The following NACC2 variants were observed in gnomAD, a reference collection of about 807,000 sequenced individuals.
NACC2 encodes the protein nucleus accumbens-associated protein 2.
A neutral mutation model predicts 25.1 loss-of-function variants in NACC2; 8 were observed. The ratio of observed to expected loss-of-function variants is 0.32; its 90% CI spans 0.19 to 0.57. The LOEUF (loss-of-function observed/expected upper bound fraction) is 0.57, where lower values mean the gene tolerates loss of function less well. Ranked by LOEUF, NACC2 falls within the 20% of genes least tolerant of loss-of-function variation. The pLI is 0.89. For synonymous variants in NACC2, 435 were observed against 294.7 expected (o/e 1.48, Z -4.88); for missense variants, 644 against 650.2 (o/e 0.99, Z 0.10).
Position 136,088,901 on chromosome 9 carries a change from G to A in NACC2, c.-60+6288C>T, listed in dbSNP as rs567368853. On this transcript the variant is annotated intron_variant, in intron 1 of 5. Coordinates refer to ENST00000277554, the MANE Select transcript of NACC2 (RefSeq NM_144653.5). ...CATCCTGGGGGAAGGTTTCCCGGAGGAGACAGCAGGCAATTTGCATAATAT... is the reference window on the plus strand; with the variant it reads ...CATCCTGGGGGAAGGTTTCCCGGAGAAGACAGCAGGCAATTTGCATAATAT... Among the ~76,000 whole-genome samples the A allele has an allele frequency of 2.0e-5, 3 of 152,358 alleles. No individual in the cohort carries two copies. In the South Asian group the frequency reaches 6.2e-4, roughly 32 times the overall value.
In NACC2 at chr9:136,011,885, C is replaced by T. The variant is rs1436015845; in HGVS notation, c.1395G>A (p.Met465Ile). The T allele has an allele frequency of 1.9e-6, 3 of 1,573,934 alleles. No individual in the cohort carries two copies. Among genetic ancestry groups the T allele is most frequent in the Admixed American group, 1.8e-5 (1 of 54,686 alleles). ...IKSMLPEGVE[M>I]YRTVMGSAAA... is the part of the protein sequence containing the mutation. The stretch of plus-strand genomic sequence containing the variant: ...CGGCGGAGCCCATGACCGTGCGGTA[C>T]ATCTCCACGCCCTCCGGCAGCATGG... The change falls in exon 6 of 6, where the codon ATG becomes ATA. Residue 465 changes from methionine (M) to isoleucine (I), a missense_variant. Physicochemically the swap from Met to Ile is conservative, Grantham distance 10. Coordinates refer to ENST00000277554, the MANE Select transcript of NACC2 (RefSeq NM_144653.5).
chr9:136,015,250 G>T (rs1840182495), intron 3 of NACC2, among the ~76,000 whole-genome samples: 1 of 152,224 alleles, frequency 6.6e-6, no homozygotes, highest in Non-Finnish European at 1.5e-5. Context: ...AAGCACCAGG[G>T]CCCGCGTGGG....
intron 1 of NACC2, among the ~76,000 whole-genome samples, chr9:136,074,415 T>A: frequency 7.1e-6 from 1 of 139,944 alleles, no homozygotes; most frequent in Non-Finnish European, 1.5e-5. Flanking sequence ...GTTGTGCCAC[T>A]GCACTCCAGC....
At chr9:136,079,229 C>A (rs1006728290) in intron 1 of NACC2, among the ~76,000 whole-genome samples, 40 of 152,196 alleles carry the variant, frequency 2.6e-4, no homozygotes, top group Admixed American at 1.1e-3. Context: ...GTGGGAACTG[C>A]ACTCTCTGAG....
In NACC2 at chr9:136,070,081, C is replaced by A. The variant is rs143168542; in HGVS notation, c.-59-19501G>T. On this transcript the variant is annotated intron_variant, in intron 1 of 5. Coordinates refer to ENST00000277554, the MANE Select transcript of NACC2 (RefSeq NM_144653.5). ...AGAAAACTTCAAGAACTTTACAAGA[C>A]TTAAAATTACACAGTGTGTTCTCTA... Among the ~76,000 whole-genome samples the A allele has an allele frequency of 9.8e-4, 149 of 151,964 alleles. 2 individuals carry two copies. Among genetic ancestry groups the A allele is most frequent in the Non-Finnish European group, 1.3e-3 (87 of 68,030 alleles).
Position 136,007,752 on chromosome 9 carries a change from G to A in NACC2, c.*3764C>T, listed in dbSNP as rs11103271. ...GTTTTCAGTTGGTTCATGGGCCATA[G>A]ATCTTTTTCCACTTGCTGCCAAGAT... On this transcript the variant is annotated 3_prime_UTR_variant, in exon 6 of 6. Transcript: ENST00000277554. 0.021 allele frequency: 3,136 copies of A among 152,358 alleles called. 57 individuals carry two copies. Among genetic ancestry groups the A allele is most frequent in the Non-Finnish European group, 0.032 (2,206 of 68,056 alleles). The allele number at this position is 152,358 out of a possible 1,614,324, so 9.4% of individuals were successfully genotyped here.
At chr9:136,093,263 C>T (rs1186488653) in intron 1 of NACC2, among the ~76,000 whole-genome samples, 4 of 152,328 alleles carry the variant, frequency 2.6e-5, no homozygotes, top group Admixed American at 1.3e-4. Context: ...GCACCAAGAT[C>T]GTCACTGTTG....
At chr9:136,079,058 CTT>C (rs10540260) in intron 1 of NACC2, among the ~76,000 whole-genome samples, 355 of 148,282 alleles carry the variant, frequency 2.4e-3, no homozygotes, top group South Asian at 3.8e-3. Context: ...ATAGCTTCTT[CTT>C]TTTTTTTTTT....
intron 1 of NACC2, among the ~76,000 whole-genome samples, chr9:136,069,335 G>A (rs923348644): frequency 1.4e-5 from 2 of 146,614 alleles, no homozygotes; most frequent in African/African-American, 5.5e-5. Flanking sequence ...TCTCACCTGA[G>A]GTCAGGAGGT....
At chr9:136,079,649 G>T (rs1347708930) in intron 1 of NACC2, among the ~76,000 whole-genome samples, 1 of 152,190 alleles carries the variant, frequency 6.6e-6, no homozygotes, top group Non-Finnish European at 1.5e-5. Flanking sequence ...CTCCTTCCTG[G>T]GGCCCTGCCG....
In NACC2 at chr9:136,022,495, T is replaced by G. The variant is rs1468306392; in HGVS notation, c.887-6066A>C. 6.6e-6 allele frequency among the ~76,000 whole-genome samples: 1 copy of G among 152,218 alleles called. No individual in the cohort carries two copies. The highest frequency in any genetic ancestry group is 1.5e-5 in the Non-Finnish European group (1 of 68,024). Reference sequence around the variant, plus strand: ...ACTGGTGCAGACGTGGCATTTAGTGTGGTCACTGCAGCTCGGGGAGACCTG... The same window carrying G: ...ACTGGTGCAGACGTGGCATTTAGTGGGGTCACTGCAGCTCGGGGAGACCTG... On this transcript the variant is annotated intron_variant, in intron 2 of 5. Transcript: ENST00000277554. This position sits in a 1 kb window ranked among gnomAD's most constrained non-coding sequence, Gnocchi z 4.4.
At chr9:136,016,074 T>C (rs1204673776) in intron 3 of NACC2, among the ~76,000 whole-genome samples, 191 bp downstream of exon 3, 2 of 152,228 alleles carry the variant, frequency 1.3e-5, no homozygotes, top group Admixed American at 1.3e-4. Flanking sequence ...GGGATTCAAT[T>C]AAAATGCTAA....
At position 136,049,518 on chromosome 9, in the gene NACC2, T is replaced by C. The variant is rs994339405; in HGVS notation, c.886+118A>G. On this transcript the variant is annotated intron_variant, in intron 2 of 5. Coordinates refer to ENST00000277554, the MANE Select transcript of NACC2 (RefSeq NM_144653.5). Reference sequence around the variant, plus strand: ...GCTCTGCCACCTCCTCCAGGCTTGGTGGGGGGCTCCCCTGTGGCCCCGCAG... The same window carrying C: ...GCTCTGCCACCTCCTCCAGGCTTGGCGGGGGGCTCCCCTGTGGCCCCGCAG... 5.5e-4 allele frequency: 340 copies of C among 614,466 alleles called. 1 individual carries two copies. Among genetic ancestry groups the C allele is most frequent in the Admixed American group, 2.7e-3 (98 of 36,052 alleles). 38.1% of individuals were successfully genotyped at this position (614,466 alleles called of 1,614,324 possible).
At chr9:136,029,636 T>C (rs1002128543) in intron 2 of NACC2, among the ~76,000 whole-genome samples, 9 of 152,220 alleles carry the variant, frequency 5.9e-5, no homozygotes, top group African/African-American at 2.2e-4. Context: ...TTTGGGGCTC[T>C]GCAGTTCCTG....
intron 1 of NACC2, among the ~76,000 whole-genome samples, chr9:136,075,667 G>A (rs142787602): frequency 5.9e-5 from 9 of 152,360 alleles, no homozygotes; most frequent in African/African-American, 1.9e-4. Context: ...TGCTGATGCT[G>A]TCCTGAGCTC....
intron 2 of NACC2, among the ~76,000 whole-genome samples, chr9:136,040,371 A>G (rs1267395130): frequency 6.6e-6 from 1 of 152,048 alleles, no homozygotes; most frequent in Non-Finnish European, 1.5e-5. Flanking sequence ...CTTTATTCCT[A>G]TGTACTGAAA....
intron 1 of NACC2, among the ~76,000 whole-genome samples, chr9:136,069,153 G>A (rs1337322841): frequency 5.5e-5 from 8 of 146,544 alleles, no homozygotes; most frequent in East Asian, 3.9e-4. Context: ...TGATCTGCCC[G>A]CCTCGGCCTC....
intron 1 of NACC2, among the ~76,000 whole-genome samples, chr9:136,073,649 T>C (rs983658051): frequency 1.3e-5 from 1 of 75,112 alleles, no homozygotes. Flanking sequence ...CCAAGAATGT[T>C]TGCAGAAAGT....
chr9:136,046,387 C>T (rs1423490644), intron 2 of NACC2, among the ~76,000 whole-genome samples: 3 of 152,214 alleles, frequency 2.0e-5, no homozygotes, highest in Non-Finnish European at 4.4e-5. Context: ...TGCACCCCAC[C>T]CCCAGCTCAT....
Sources: allele counts gnomAD v4.1 joint callset (sites outside exome capture counted in the v4.1 genomes callset), GRCh38; gene constraint gnomAD v4.1.1; non-coding constraint Gnocchi (gnomAD v3.1); transcripts MANE v1.5; gene names NCBI Gene and HGNC (gene_info 2026-07-23, HGNC 2026-07-21).